The following DNAH11 variants were observed in gnomAD, a reference collection of about 807,000 sequenced individuals.
The protein encoded by DNAH11 is axonemal beta dynein heavy chain 11.
A neutral mutation model predicts 526.0 loss-of-function variants in DNAH11; 442 were observed. That is an observed-to-expected ratio of 0.84 (90% confidence interval 0.78 to 0.91). DNAH11 has a LOEUF of 0.91. Among genes scored for constraint, DNAH11 ranks in the 40% least tolerant of loss-of-function variants. DNAH11 has a pLI of 0.00. For missense variants in DNAH11, 6,989 were observed against 5,448.7 expected (o/e 1.28, Z -8.90); for synonymous variants, 2,461 against 1,935.9 (o/e 1.27, Z -7.12).
chr7:21,892,564 A>C lies in DNAH11; in HGVS notation c.12647A>C (p.Glu4216Ala), dbSNP rs755880806. ...LYGLHPNAEI[E>A]FLTVTSNTLF... is the part of the protein sequence containing the mutation. ...GGCCTCCACCCAAATGCTGAAATAGAATTCCTGACAGTGACATCCAACACT... is the reference window on the plus strand; with the variant it reads ...GGCCTCCACCCAAATGCTGAAATAGCATTCCTGACAGTGACATCCAACACT... Residue 4216 changes from glutamate to alanine, a missense_variant, in exon 77 of 82, where the codon GAA (glutamate) becomes GCA (alanine). Glu to Ala is a moderately radical substitution (Grantham distance 107). Transcript: ENST00000409508. 1 of 1,613,978 alleles carries C rather than the reference A, an allele frequency of 6.2e-7. No individual in the cohort carries two copies. Among genetic ancestry groups the C allele is most frequent in the Non-Finnish European group, 8.5e-7 (1 of 1,179,882 alleles).
intron 70 of DNAH11, among the ~76,000 whole-genome samples, chr7:21,865,845 T>TA (rs1391462115): frequency 6.6e-6 from 1 of 152,222 alleles, no homozygotes; most frequent in African/African-American, 2.4e-5. Context: ...TTCTTGTTGA[T>TA]ATGCTAAACA....
At chr7:21,825,764 C>A (rs1790260255) in intron 65 of DNAH11, among the ~76,000 whole-genome samples, 1 of 151,968 alleles carries the variant, frequency 6.6e-6, no homozygotes, top group Non-Finnish European at 1.5e-5. Context: ...TCGAGACCAA[C>A]CTGGCGAACA....
chr7:21,873,538 CAG>C (rs780593574), intron 74 of DNAH11, 37 bp downstream of exon 74: 1 of 1,595,154 alleles, frequency 6.3e-7, no homozygotes, highest in Non-Finnish European at 8.6e-7. Context: ...ACAATGAAGT[CAG>C]AGTCATCTCA....
In DNAH11 at chr7:21,774,633, A is replaced by G. The variant is rs954400347; in HGVS notation, c.9336+634A>G. Among the ~76,000 whole-genome samples the G allele has an allele frequency of 2.0e-5, 3 of 152,214 alleles. No homozygotes were observed. In the East Asian group the frequency reaches 5.8e-4, roughly 29 times the overall value. ...ATTTCATGAAGTAGTTGTTACTACT[A>G]TAGTTTTATATATGAGGCGTAAAGA... On this transcript the variant is annotated intron_variant, in intron 56 of 81. Coordinates refer to ENST00000409508, the MANE Select transcript of DNAH11 (RefSeq NM_001277115.2).
At chr7:21,701,472 CAGG>C (rs1784057952) in intron 36 of DNAH11, among the ~76,000 whole-genome samples, 1 of 151,892 alleles carries the variant, frequency 6.6e-6, no homozygotes, top group Non-Finnish European at 1.5e-5. Context: ...GTATTTTTTG[CAGG>C]AGTGGGGTTT....
In DNAH11 at chr7:21,558,959, C is replaced by T. The variant is rs951781956; in HGVS notation, c.653C>T (p.Ala218Val). The T allele has an allele frequency of 1.9e-6, 3 of 1,591,714 alleles. No individual in the cohort carries two copies. The African/African-American group carries it at 4.0e-5, about 21-fold the overall frequency. ...ACTCTTCTACCAATTCCCACTGTTG[C>T]AGGAAAGATGGATCTGGATCAGAAT... ...RRTLLPIPTV[A>V]GKMDLDQNCS... The change falls in exon 3 of 82, where the codon GCA becomes GTA. Residue 218 changes from alanine (A) to valine (V), a missense_variant. By Grantham distance (64) the Ala-to-Val change is moderately conservative. Transcript: ENST00000409508.
At chr7:21,727,327 T>C (rs1785169350) in intron 45 of DNAH11, among the ~76,000 whole-genome samples, 1 of 152,228 alleles carries the variant, frequency 6.6e-6, no homozygotes, top group Admixed American at 6.5e-5. Flanking sequence ...TTTGTGAGTT[T>C]GTAAAAATTG....
chr7:21,785,103 C>T (rs1283768934), intron 58 of DNAH11, among the ~76,000 whole-genome samples: 1 of 152,094 alleles, frequency 6.6e-6, no homozygotes, highest in Non-Finnish European at 1.5e-5. Context: ...AAATGGGGGG[C>T]AATGTTCTTT....
intron 30 of DNAH11, among the ~76,000 whole-genome samples, chr7:21,664,241 T>G (rs1782342548): frequency 6.6e-6 from 1 of 151,874 alleles, no homozygotes; most frequent in Non-Finnish European, 1.5e-5. Flanking sequence ...GTTTAATAGT[T>G]TTACTTGGAT....
chr7:21,840,611 C>T (rs540710169), intron 65 of DNAH11, among the ~76,000 whole-genome samples: 86 of 151,980 alleles, frequency 5.7e-4, no homozygotes, highest in Non-Finnish European at 1.2e-3. Context: ...TAGAAAGCTC[C>T]CCCTTTACTA....
chr7:21,748,458 C>A, intron 51 of DNAH11, 122 bp from the exon 52 acceptor site: 7 of 1,142,554 alleles, frequency 6.1e-6, no homozygotes, highest in Non-Finnish European at 7.8e-6. Context: ...CACTGCACTC[C>A]GGCCTGGGCA....
chr7:21,614,530 C>T (rs190661169), intron 20 of DNAH11, among the ~76,000 whole-genome samples: 96 of 152,212 alleles, frequency 6.3e-4, no homozygotes, highest in African/African-American at 2.3e-3. Flanking sequence ...TCAGCATTTA[C>T]GTTTGGTGTA....
At chr7:21,665,212 A>G (rs1782379482) in intron 30 of DNAH11, among the ~76,000 whole-genome samples, 1 of 151,888 alleles carries the variant, frequency 6.6e-6, no homozygotes, top group Admixed American at 6.6e-5. Context: ...CTTTGTATTT[A>G]GATATGTTCT....
Position 21,637,503 on chromosome 7 carries a change from A to T in DNAH11, c.4726-108A>T. 3 of 773,332 alleles carry T rather than the reference A, an allele frequency of 3.9e-6. 1 individual carries two copies. Among genetic ancestry groups the T allele is most frequent in the South Asian group, 3.2e-5 (2 of 62,628 alleles). 47.9% of individuals were successfully genotyped at this position (773,332 alleles called of 1,614,324 possible). A position where few individuals can be genotyped will look rare whatever the true frequency, so the allele number is the denominator to read the frequency against. On this transcript the variant is annotated intron_variant, in intron 26 of 81. Coordinates refer to ENST00000409508, the MANE Select transcript of DNAH11 (RefSeq NM_001277115.2). ...TCAGACATTCTTAGAAGTATCTTTG[A>T]CCTTGCCTCTTCATTCTTTGTTCTT...
Position 21,612,262 on chromosome 7 carries a change from A to G in DNAH11, c.3853-2852A>G, listed in dbSNP as rs116838843. On this transcript the variant is annotated intron_variant, in intron 20 of 81. Coordinates refer to ENST00000409508, the MANE Select transcript of DNAH11 (RefSeq NM_001277115.2). ...TAAAAAACAAAAAAATTTCCAAAAC[A>G]GAGACTAAGAAGGCTGGGCATGGTG... Among the ~76,000 whole-genome samples the G allele has an allele frequency of 4.0e-3, 603 of 152,264 alleles. 3 individuals are homozygous for G. Among genetic ancestry groups the G allele is most frequent in the African/African-American group, 0.013 (523 of 41,550 alleles).
At chr7:21,860,973 C>G (rs779788661) in intron 68 of DNAH11, among the ~76,000 whole-genome samples, 1 of 152,168 alleles carries the variant, frequency 6.6e-6, no homozygotes, top group Non-Finnish European at 1.5e-5. Flanking sequence ...ATGGGAGAAA[C>G]TGCCCCCATG....
intron 55 of DNAH11, among the ~76,000 whole-genome samples, chr7:21,772,020 C>G (rs947887019): frequency 1.3e-5 from 2 of 152,082 alleles, no homozygotes; most frequent in Non-Finnish European, 2.9e-5. Flanking sequence ...GAGAAAGTGA[C>G]AAATTGAGAA....
intron 25 of DNAH11, among the ~76,000 whole-genome samples, chr7:21,628,549 A>G (rs554796974): frequency 3.3e-5 from 5 of 152,268 alleles, no homozygotes; most frequent in Admixed American, 6.5e-5. Flanking sequence ...TAAAATAATC[A>G]TATGGTTTTT....
chr7:21,846,341 A>G (rs566647694), intron 66 of DNAH11, among the ~76,000 whole-genome samples: 6 of 152,272 alleles, frequency 3.9e-5, no homozygotes, highest in African/African-American at 9.6e-5. Flanking sequence ...ATTAAGTACA[A>G]TGTAAGCTAT....
Sources: gnomAD v4.1 joint callset for allele counts (sites outside exome capture counted in the v4.1 genomes callset) on GRCh38, gnomAD v4.1.1 for gene constraint, MANE v1.5 for transcripts, NCBI Gene and HGNC (gene_info 2026-07-23, HGNC 2026-07-21) for gene names.